ANKS1B: variants seen among roughly 807,000 people sequenced by gnomAD.
ANKS1B encodes ankyrin repeat and sterile alpha motif domain-containing protein 1B.
Under a neutral mutation model 148.3 loss-of-function variants are expected in ANKS1B, and 36 were observed. The ratio of observed to expected loss-of-function variants is 0.24; its 90% CI spans 0.19 to 0.32. The LOEUF is 0.32. ANKS1B is among the 10% of genes least tolerant of loss of function. ANKS1B has a pLI of 1.00. For synonymous variants in ANKS1B, 542 were observed against 560.8 expected (o/e 0.97, Z 0.47); for missense variants, 1,157 against 1,542.6 (o/e 0.75, Z 4.19).
chr12:99,896,457 T>C (rs2093390569), intron 1 of ANKS1B, among the ~76,000 whole-genome samples: 1 of 151,346 alleles, frequency 6.6e-6, no homozygotes, highest in Admixed American at 6.6e-5. Flanking sequence ...TAATACTCCA[T>C]TGTGAATAGA....
intron 17 of ANKS1B, among the ~76,000 whole-genome samples, chr12:98,868,151 C>T (rs893012854): frequency 8.5e-5 from 13 of 152,196 alleles, no homozygotes; most frequent in African/African-American, 2.7e-4. Flanking sequence ...CAGCTCTGGA[C>T]ACTCAGAGTC....
intron 9 of ANKS1B, chr12:99,649,231 G>T: frequency 7.7e-7 from 1 of 1,299,164 alleles, no homozygotes. Context: ...TTACCTATAG[G>T]AAGAGAAAGG....
At chr12:99,543,637 T>A (rs1268479736) in intron 9 of ANKS1B, among the ~76,000 whole-genome samples, 2 of 152,136 alleles carry the variant, frequency 1.3e-5, no homozygotes, top group Non-Finnish European at 2.9e-5. Context: ...TAAAAAGGAA[T>A]GAAGTACTGA....
chr12:99,383,275 T>C (rs2093719961), intron 12 of ANKS1B, among the ~76,000 whole-genome samples: 1 of 152,150 alleles, frequency 6.6e-6, no homozygotes, highest in Non-Finnish European at 1.5e-5. Context: ...GCCCCTACTA[T>C]GGGATAAGCA....
intron 10 of ANKS1B, among the ~76,000 whole-genome samples, chr12:99,487,862 A>G (rs1412043302): frequency 6.6e-6 from 1 of 152,146 alleles, no homozygotes; most frequent in Non-Finnish European, 1.5e-5. Context: ...CTATTATTCA[A>G]TAGTTCTAAT....
chr12:99,102,001 G>T (rs1049702733), intron 15 of ANKS1B, among the ~76,000 whole-genome samples: 2 of 152,160 alleles, frequency 1.3e-5, no homozygotes, highest in African/African-American at 4.8e-5. Flanking sequence ...GATCAGGGCT[G>T]AGGTGGTAGC....
intron 17 of ANKS1B, among the ~76,000 whole-genome samples, chr12:98,886,652 A>G (rs1217769012): frequency 6.6e-6 from 1 of 152,216 alleles, no homozygotes; most frequent in Non-Finnish European, 1.5e-5. Context: ...ACACCTCCAC[A>G]TATCTTAGCT....
In ANKS1B at chr12:99,779,931, A is replaced by G. The variant is rs987171410; in HGVS notation, c.787T>C (p.Leu263=). The change falls in exon 6 of 27, where the codon TTG becomes CTG. Residue 263 remains leucine, a synonymous_variant. Coordinates refer to ENST00000683438, the MANE Select transcript of ANKS1B (RefSeq NM_001352186.2). The part of the protein sequence containing the change: ...NIKDSLGRTV[L]DILKEHPSQK... ...GATGGATGTTCTTTCAGAATGTCCA[A>G]GACAGTTCTACCTAAGCTATCCTTT... 3 of 1,611,026 alleles carry G rather than the reference A, an allele frequency of 1.9e-6. No homozygotes were observed. The highest frequency in any genetic ancestry group is 2.5e-6 in the Non-Finnish European group (3 of 1,179,328).
At chr12:98,888,897 T>A (rs1173922403) in intron 17 of ANKS1B, among the ~76,000 whole-genome samples, 1 of 152,226 alleles carries the variant, frequency 6.6e-6, no homozygotes, top group Non-Finnish European at 1.5e-5. Flanking sequence ...AAATATCTGC[T>A]CTAGAAAACT....
chr12:98,932,812 C>T (rs532615978), intron 17 of ANKS1B, among the ~76,000 whole-genome samples: 1 of 152,148 alleles, frequency 6.6e-6, no homozygotes, highest in African/African-American at 2.4e-5. Context: ...ATCTTTAATA[C>T]CAATGTGCTT....
At chr12:99,750,968 T>C (rs2061050184) in intron 8 of ANKS1B, among the ~76,000 whole-genome samples, 1 of 152,118 alleles carries the variant, frequency 6.6e-6, no homozygotes, top group Non-Finnish European at 1.5e-5. Context: ...ATATCACTAA[T>C]ATGTGATCAT....
At chr12:99,438,672 A>G (rs991044957) in intron 11 of ANKS1B, among the ~76,000 whole-genome samples, 4 of 151,906 alleles carry the variant, frequency 2.6e-5, no homozygotes, top group Admixed American at 6.6e-5. Context: ...ATTATAGCCA[A>G]GTGTTACTTA....
intron 15 of ANKS1B, among the ~76,000 whole-genome samples, chr12:99,101,803 C>T (rs1304453476): frequency 2.0e-5 from 3 of 152,148 alleles, no homozygotes; most frequent in Non-Finnish European, 4.4e-5. Flanking sequence ...CTCAGGTGAT[C>T]CACCCACCTC....
intron 12 of ANKS1B, among the ~76,000 whole-genome samples, chr12:99,394,263 A>G (rs1267974798): frequency 6.6e-6 from 1 of 152,098 alleles, no homozygotes; most frequent in African/African-American, 2.4e-5. Flanking sequence ...TTCCCACCAC[A>G]TGGATCTCCT....
intron 12 of ANKS1B, among the ~76,000 whole-genome samples, chr12:99,341,748 C>G (rs917058388): frequency 2.0e-5 from 3 of 152,024 alleles, no homozygotes; most frequent in African/African-American, 7.2e-5. Flanking sequence ...GAGGTAGGCA[C>G]TGTAATTTCC....
intron 17 of ANKS1B, chr12:98,954,310 T>A (rs2099858877): frequency 6.6e-6 from 1 of 152,212 alleles, no homozygotes; most frequent in Non-Finnish European, 1.5e-5. Context: ...CTAAATAGAT[T>A]TTAGTGTCCT....
chr12:99,417,243 T>C (rs10777982), intron 11 of ANKS1B, among the ~76,000 whole-genome samples: 72,574 of 152,144 alleles, frequency 0.48, 19,552 homozygotes, highest in African/African-American at 0.74. Context: ...ATAAGCCATA[T>C]GACTTAGGTC....
chr12:99,437,842 A>G (rs750278546), intron 11 of ANKS1B, among the ~76,000 whole-genome samples: 1 of 151,764 alleles, frequency 6.6e-6, no homozygotes, highest in Non-Finnish European at 1.5e-5. Context: ...ATACTGCCTT[A>G]TTTCCTTTTA....
intron 14 of ANKS1B, among the ~76,000 whole-genome samples, chr12:99,195,818 A>G (rs1177210293): frequency 1.3e-5 from 2 of 152,142 alleles, no homozygotes; most frequent in Non-Finnish European, 2.9e-5. Flanking sequence ...ATTTAAAAAA[A>G]TCCTCCTTAA....
Sources: gnomAD v4.1 joint callset for allele counts (sites outside exome capture counted in the v4.1 genomes callset) on GRCh38, gnomAD v4.1.1 for gene constraint, MANE v1.5 for transcripts, NCBI Gene and HGNC (gene_info 2026-07-23, HGNC 2026-07-21) for gene names.